Variants in ROBO2 observed in about 807,000 individuals in gnomAD.
ROBO2 encodes roundabout homolog 2.
A neutral mutation model predicts 160.8 loss-of-function variants in ROBO2; 53 were observed. The observed-to-expected ratio is 0.33, with a 90% CI of 0.26 to 0.41. The LOEUF (loss-of-function observed/expected upper bound fraction) is 0.41, where lower values mean the gene tolerates loss of function less well. Among genes scored for constraint, ROBO2 ranks in the 10% least tolerant of loss-of-function variants. The pLI, the probability that ROBO2 is intolerant of heterozygous loss-of-function variation, is 1.00. For missense variants in ROBO2, 1,577 were observed against 1,722.4 expected (o/e 0.92, Z 1.49); for synonymous variants, 664 against 611.7 (o/e 1.09, Z -1.26).
chr3:76,041,373 G>A (rs534664153), intron 2 of ROBO2, among the ~76,000 whole-genome samples: 16 of 151,864 alleles, frequency 1.1e-4, no homozygotes, highest in African/African-American at 3.2e-4. Flanking sequence ...CTTTTGTGTC[G>A]GAGACCCTCA....
At chr3:77,196,345 C>A (rs1280355607) in intron 2 of ROBO2, among the ~76,000 whole-genome samples, 1 of 138,892 alleles carries the variant, frequency 7.2e-6, no homozygotes, top group Non-Finnish European at 1.6e-5. Context: ...TTTTTTTTAA[C>A]CTGGAACTCA....
intron 2 of ROBO2, among the ~76,000 whole-genome samples, chr3:76,403,091 C>G (rs1215078933): frequency 6.6e-6 from 1 of 151,426 alleles, no homozygotes; most frequent in East Asian, 1.9e-4. Flanking sequence ...TTGGAATGTA[C>G]AAAGAACTGG....
chr3:75,934,011 C>T (rs1459564232), intron 1 of ROBO2, among the ~76,000 whole-genome samples: 2 of 152,178 alleles, frequency 1.3e-5, no homozygotes, highest in Non-Finnish European at 2.9e-5. Flanking sequence ...CAACACATTT[C>T]ACAGAGCTGT....
intron 2 of ROBO2, among the ~76,000 whole-genome samples, chr3:76,513,387 C>T (rs2081196499): frequency 6.6e-6 from 1 of 152,094 alleles, no homozygotes; most frequent in Non-Finnish European, 1.5e-5. Context: ...GAGTCTCACT[C>T]TGTCACCCAG....
intron 2 of ROBO2, among the ~76,000 whole-genome samples, chr3:76,011,198 G>T (rs1388871679): frequency 6.6e-6 from 1 of 152,032 alleles, no homozygotes; most frequent in Non-Finnish European, 1.5e-5. Context: ...AAGTTGCAGG[G>T]GCTAATCTTG....
Position 76,216,175 on chromosome 3 carries a change from A to G in ROBO2, c.109+278573A>G, listed in dbSNP as rs527560911. 2.4e-3 allele frequency among the ~76,000 whole-genome samples: 370 copies of G among 152,262 alleles called. 1 individual carries two copies. Among genetic ancestry groups the G allele is most frequent in the Non-Finnish European group, 4.4e-3 (302 of 68,032 alleles). On this transcript the variant is annotated intron_variant, in intron 2 of 26. Coordinates refer to the ROBO2 transcript ENST00000487694. ...CCTGAAGGAAGCACTAAACATGGAAAGGAACAACTGGTAAAAGCCACTACA... is the reference window on the plus strand; with the variant it reads ...CCTGAAGGAAGCACTAAACATGGAAGGGAACAACTGGTAAAAGCCACTACA...
chr3:76,431,134 A>G (rs1332676447), intron 2 of ROBO2, among the ~76,000 whole-genome samples: 2 of 152,126 alleles, frequency 1.3e-5, no homozygotes, highest in Non-Finnish European at 2.9e-5. Flanking sequence ...ACAGCATAAA[A>G]GTTCATAAAA....
In ROBO2 at chr3:76,221,516, T is replaced by C. The variant is rs374638381; in HGVS notation, c.109+283914T>C. On this transcript the variant is annotated intron_variant, in intron 2 of 26. Coordinates refer to the ROBO2 transcript ENST00000487694. ...GCAGTGCCACTCTCATTTTCCACGC[T>C]TTGATTCCTGAACCCATTAATTGTG... Among the ~76,000 whole-genome samples, 438 of 152,344 alleles carry C rather than the reference T, an allele frequency of 2.9e-3. 4 individuals are homozygous for C. The highest frequency in any genetic ancestry group is 0.019 in the South Asian group (92 of 4,828).
chr3:75,949,735 A>ACATTGC (rs1253574890), intron 2 of ROBO2, among the ~76,000 whole-genome samples: 1 of 150,410 alleles, frequency 6.6e-6, no homozygotes, highest in Non-Finnish European at 1.5e-5. Context: ...AGTCTAGAAA[A>ACATTGC]CATTGCTGTG....
chr3:76,595,072 C>T (rs1334684753), intron 2 of ROBO2, among the ~76,000 whole-genome samples: 1 of 151,860 alleles, frequency 6.6e-6, no homozygotes, highest in Non-Finnish European at 1.5e-5. Flanking sequence ...ATGGAGAAAA[C>T]AGCCCTTTTG....
At chr3:77,237,689 C>T (rs1304170908) in intron 2 of ROBO2, among the ~76,000 whole-genome samples, 1 of 152,176 alleles carries the variant, frequency 6.6e-6, no homozygotes, top group Non-Finnish European at 1.5e-5. Context: ...ATGAATAAAG[C>T]TGCTATAAAC....
rs10654899 is a variant in ROBO2, at chr3:77,219,489, GTATATATA to G, written c.388+121167_388+121174del. 8.9e-3 allele frequency among the ~76,000 whole-genome samples: 989 copies of G among 111,474 alleles called. 13 individuals carry two copies. Among genetic ancestry groups the G allele is most frequent in the African/African-American group, 0.029 (902 of 30,812 alleles). The allele number at this position is 111,474 out of a possible 152,430, so 73.1% of individuals were successfully genotyped here. On this transcript the variant is annotated intron_variant, in intron 2 of 25. Coordinates refer to ENST00000461745, the Ensembl canonical transcript of ROBO2. ...CTGTGTATATATATATATATAATCT[GTATATATA>G]TATATATATATATATATCTGTGTGT...
At chr3:76,011,895 T>C (rs1451305322) in intron 2 of ROBO2, among the ~76,000 whole-genome samples, 1 of 152,188 alleles carries the variant, frequency 6.6e-6, no homozygotes, top group Non-Finnish European at 1.5e-5. Context: ...GGATACAATA[T>C]TGTTTCCAGT....
intron 2 of ROBO2, among the ~76,000 whole-genome samples, chr3:76,356,357 G>A (rs150022620): frequency 6.6e-6 from 1 of 151,216 alleles, no homozygotes; most frequent in African/African-American, 2.4e-5. Flanking sequence ...TGCTAAACAG[G>A]GATAGAATTA....
chr3:76,490,122 A>C (rs1252286484), intron 2 of ROBO2, among the ~76,000 whole-genome samples: 2 of 152,164 alleles, frequency 1.3e-5, no homozygotes, highest in Non-Finnish European at 2.9e-5. Flanking sequence ...TGTTCCTTAA[A>C]ATGTCACAGT....
At chr3:77,241,527 C>G (rs2089036856) in intron 2 of ROBO2, among the ~76,000 whole-genome samples, 2 of 152,148 alleles carry the variant, frequency 1.3e-5, no homozygotes, top group African/African-American at 4.8e-5. Context: ...TAAAACTTTA[C>G]ACTTTAAGTG....
chr3:76,575,707 C>T (rs886628298), intron 2 of ROBO2, among the ~76,000 whole-genome samples: 9 of 152,016 alleles, frequency 5.9e-5, no homozygotes, highest in Non-Finnish European at 1.0e-4. Context: ...ATACCTATAA[C>T]TTGTCCAAAC....
Position 75,954,741 on chromosome 3 carries a change from AACTT to A in ROBO2, c.109+17145_109+17148del, listed in dbSNP as rs58199829. Among the ~76,000 whole-genome samples the A allele has an allele frequency of 8.2e-3, 1,252 of 152,040 alleles. 17 individuals carry two copies. The highest frequency in any genetic ancestry group is 0.028 in the African/African-American group (1,169 of 41,536). ...AACTCTTGGAAAACTATGAAACAGG[AACTT>A]ACTTAATATGTTTTACCCAAGATTT... On this transcript the variant is annotated intron_variant, in intron 2 of 26. Coordinates refer to the ROBO2 transcript ENST00000487694.
chr3:76,805,671 CGTGTGTGTGTGTGT>C (rs71673124), intron 2 of ROBO2, among the ~76,000 whole-genome samples: 9 of 146,202 alleles, frequency 6.2e-5, no homozygotes, highest in Admixed American at 4.1e-4. Flanking sequence ...TATTGGAATA[CGTGTGTGTGTGTGT>C]GTGTGTGTGT....
Sources: gnomAD v4.1 joint callset for allele counts (sites outside exome capture counted in the v4.1 genomes callset) on GRCh38, gnomAD v4.1.1 for gene constraint, MANE v1.5 for transcripts, NCBI Gene and HGNC (gene_info 2026-07-23, HGNC 2026-07-21) for gene names.